The following PDGFRA variants were observed in gnomAD, a reference collection of about 807,000 sequenced individuals.
PDGFRA encodes the protein platelet derived growth factor receptor alpha, also known as platelet-derived growth factor receptor alpha.
In PDGFRA, 25 loss-of-function variants were observed where a neutral mutation model predicts 121.5. The observed-to-expected ratio is 0.21, with a 90% CI of 0.15 to 0.29. PDGFRA has a LOEUF of 0.29. Among genes scored for constraint, PDGFRA ranks in the 10% least tolerant of loss-of-function variants. The pLI is 1.00. For synonymous variants in PDGFRA, 463 were observed against 494.8 expected, an observed-to-expected ratio of 0.94 and a Z score of 0.85; for missense variants, 1,008 against 1,345.1, an observed-to-expected ratio of 0.75 and a Z score of 3.92.
intron 1 of PDGFRA, among the ~76,000 whole-genome samples, chr4:54,251,830 C>T (rs1722067723): frequency 6.6e-6 from 1 of 152,174 alleles, no homozygotes; most frequent in Non-Finnish European, 1.5e-5. Flanking sequence ...ATGTGAGATT[C>T]TTTTTAAATT....
rs773624663 is a variant in PDGFRA, at chr4:54,278,031, G to A, written c.2002+25G>A. 8 of 1,300,722 alleles carry A rather than the reference G, an allele frequency of 6.2e-6. No homozygotes were observed. The East Asian group carries it at 1.8e-4, about 30-fold the overall frequency. 80.6% of individuals were successfully genotyped at this position (1,300,722 alleles called of 1,614,324 possible). A position where few individuals can be genotyped will look rare whatever the true frequency, so the allele number is the denominator to read the frequency against. On this transcript the variant is annotated intron_variant, in intron 14 of 22. Coordinates refer to ENST00000257290, the MANE Select transcript of PDGFRA (RefSeq NM_006206.6). ...GGTGGGCTCACTGACCTGGAGTGAGGATTTTCACTGGACACATGTGGTTGT... is the reference window on the plus strand; with the variant it reads ...GGTGGGCTCACTGACCTGGAGTGAGAATTTTCACTGGACACATGTGGTTGT...
chr4:54,238,370 A>G (rs1451020842), intron 1 of PDGFRA, among the ~76,000 whole-genome samples: 1 of 152,188 alleles, frequency 6.6e-6, no homozygotes, highest in African/African-American at 2.4e-5. Context: ...ATATGAATAC[A>G]TTGAATTTCT....
intron 3 of PDGFRA, among the ~76,000 whole-genome samples, chr4:54,261,917 ATATATATATATATATT>A (rs1463958073): frequency 1.3e-4 from 8 of 62,982 alleles, no homozygotes; most frequent in African/African-American, 3.3e-4. Flanking sequence ...ATATATATAT[ATATATATATATATATT>A]TTTTTTTTTT....
At chr4:54,245,572 A>G (rs1446513149) in intron 1 of PDGFRA, among the ~76,000 whole-genome samples, 2 of 152,228 alleles carry the variant, frequency 1.3e-5, no homozygotes, top group Admixed American at 6.5e-5. Context: ...AGCACTAAAC[A>G]TGGAAAGGAA....
In PDGFRA at chr4:54,273,519, G is replaced by C; in HGVS notation, c.1365-18G>C. On this transcript the variant is annotated intron_variant, in intron 9 of 22. Transcript: ENST00000257290. ...CTCTCAGGAATTGGCCCTATACTTA[G>C]GCCCTTTTTCTCTCTAGATGTAATA... The C allele has an allele frequency of 1.9e-6, 3 of 1,608,898 alleles. No homozygotes were observed. The highest frequency in any genetic ancestry group is 2.6e-6 in the Non-Finnish European group (3 of 1,175,450).
chr4:54,267,099 G>T (rs1434314270), intron 5 of PDGFRA, among the ~76,000 whole-genome samples, 190 bp from the exon 6 acceptor site: 1 of 152,122 alleles, frequency 6.6e-6, no homozygotes, highest in East Asian at 1.9e-4. Flanking sequence ...GAGGTACAGA[G>T]ATTTCCCATG....
chr4:54,279,836 A>G (rs1021748569), intron 15 of PDGFRA, among the ~76,000 whole-genome samples: 1 of 152,152 alleles, frequency 6.6e-6, no homozygotes, highest in Non-Finnish European at 1.5e-5. Context: ...TTCACTTAGA[A>G]TAATAGTCTC....
At chr4:54,238,587 C>T (rs1721133466) in intron 1 of PDGFRA, among the ~76,000 whole-genome samples, 1 of 152,212 alleles carries the variant, frequency 6.6e-6, no homozygotes, top group African/African-American at 2.4e-5. Context: ...GCTGCATTCC[C>T]AGGAGGTTAC....
chr4:54,272,981 A>T (rs1723486539), intron 9 of PDGFRA, among the ~76,000 whole-genome samples: 1 of 152,214 alleles, frequency 6.6e-6, no homozygotes, highest in Non-Finnish European at 1.5e-5. Flanking sequence ...TGTGTTCAGA[A>T]GCCTCAGTTG....
chr4:54,265,386 A>G (rs1385113727), intron 5 of PDGFRA: 2 of 332,360 alleles, frequency 6.0e-6, no homozygotes, highest in African/African-American at 2.1e-5. Context: ...GGATTTTACT[A>G]TTGCGGAGAC....
intron 1 of PDGFRA, among the ~76,000 whole-genome samples, chr4:54,237,835 A>G (rs79047827): frequency 3.3e-5 from 5 of 152,246 alleles, no homozygotes; most frequent in Non-Finnish European, 7.3e-5. Flanking sequence ...TCAGGCAAGT[A>G]GGTGGCACAC....
At chr4:54,231,884 G>T (rs965600983) in intron 1 of PDGFRA, among the ~76,000 whole-genome samples, 6 of 152,236 alleles carry the variant, frequency 3.9e-5, no homozygotes, top group Non-Finnish European at 8.8e-5. Flanking sequence ...GTTTCCTCTC[G>T]GGACGCGGAC....
intron 22 of PDGFRA, among the ~76,000 whole-genome samples, chr4:54,291,676 T>G (rs1440553745): frequency 1.3e-5 from 2 of 151,810 alleles, no homozygotes; most frequent in Non-Finnish European, 2.9e-5. Context: ...ATACACTGCT[T>G]GTTGAAGTGC....
At chr4:54,283,530 C>T (rs1013237214) in intron 16 of PDGFRA, among the ~76,000 whole-genome samples, 1 of 152,250 alleles carries the variant, frequency 6.6e-6, no homozygotes, top group Non-Finnish European at 1.5e-5. Context: ...CCATTCTTCC[C>T]TCCTAGGCCT....
At chr4:54,248,413 A>C (rs560156009) in intron 1 of PDGFRA, among the ~76,000 whole-genome samples, 34 of 152,360 alleles carry the variant, frequency 2.2e-4, no homozygotes, top group African/African-American at 7.7e-4. Flanking sequence ...ATAACGCCGC[A>C]TATCTACAAC....
intron 22 of PDGFRA, among the ~76,000 whole-genome samples, chr4:54,292,147 A>G (rs1724664089): frequency 6.6e-6 from 1 of 152,190 alleles, no homozygotes; most frequent in Admixed American, 6.5e-5. Context: ...ATACTGTTTG[A>G]CCCATCAATC....
chr4:54,247,981 G>T (rs918451377), intron 1 of PDGFRA, among the ~76,000 whole-genome samples: 6 of 152,106 alleles, frequency 3.9e-5, no homozygotes, highest in Non-Finnish European at 8.8e-5. Context: ...GCTTCAAAGA[G>T]AATAAAATAC....
chr4:54,239,698 T>C (rs1721193363), intron 1 of PDGFRA, among the ~76,000 whole-genome samples: 1 of 152,238 alleles, frequency 6.6e-6, no homozygotes, highest in Admixed American at 6.5e-5. Context: ...GTGAGGCCTC[T>C]GGCTTAGCAG....
At chr4:54,233,246 C>G (rs530463968) in intron 1 of PDGFRA, among the ~76,000 whole-genome samples, 1 of 152,348 alleles carries the variant, frequency 6.6e-6, no homozygotes, top group African/African-American at 2.4e-5. Context: ...ACAACCAAGC[C>G]GCCGAGGACT....
Sources: allele counts gnomAD v4.1 joint callset (sites outside exome capture counted in the v4.1 genomes callset), GRCh38; gene constraint gnomAD v4.1.1; transcripts MANE v1.5; gene names NCBI Gene and HGNC (gene_info 2026-07-23, HGNC 2026-07-21).